The following NCOA1 variants were observed in gnomAD, a reference collection of about 807,000 sequenced individuals.
NCOA1 encodes the protein Hin-2 protein.
A neutral mutation model predicts 150.9 loss-of-function variants in NCOA1; 35 were observed. The observed-to-expected ratio is 0.23, with a 90% CI of 0.18 to 0.31. NCOA1 has a LOEUF of 0.31. NCOA1 is among the 10% of genes least tolerant of loss of function. The pLI is 1.00. For synonymous variants in NCOA1, 590 were observed against 630.0 expected, an observed-to-expected ratio of 0.94 and a Z score of 0.95; for missense variants, 1,491 against 1,749.3, an observed-to-expected ratio of 0.85 and a Z score of 2.63.
intron 3 of NCOA1, among the ~76,000 whole-genome samples, chr2:24,622,570 C>T (rs990907344): frequency 1.3e-5 from 2 of 152,106 alleles, no homozygotes; most frequent in African/African-American, 4.8e-5. Flanking sequence ...AAGGATATAC[C>T]AATTTCTATT....
chr2:24,505,275 C>A (rs144406152), intron 1 of NCOA1, among the ~76,000 whole-genome samples: 2,665 of 152,096 alleles, frequency 0.018, 247 homozygotes, highest in Admixed American at 0.16. Flanking sequence ...CAACCTCCGC[C>A]TCCTGGGTTC....
chr2:24,751,262 G>A (rs556897573), intron 19 of NCOA1, among the ~76,000 whole-genome samples: 4 of 147,186 alleles, frequency 2.7e-5, no homozygotes, highest in African/African-American at 9.9e-5. Flanking sequence ...CACAGCACCC[G>A]GCCACACGTG....
At chr2:24,500,235 A>G (rs1339138513) in intron 1 of NCOA1, among the ~76,000 whole-genome samples, 1 of 151,730 alleles carries the variant, frequency 6.6e-6, no homozygotes, top group Non-Finnish European at 1.5e-5. Context: ...CAGATTCCCT[A>G]GTAGCTGGGA....
intron 21 of NCOA1, among the ~76,000 whole-genome samples, chr2:24,760,847 GT>G (rs945382912): frequency 1.3e-5 from 2 of 150,568 alleles, no homozygotes; most frequent in African/African-American, 4.9e-5. Context: ...GTCGTTTTTT[GT>G]TTTTTTGTGG....
chr2:24,730,997 C>T (rs892327505), intron 17 of NCOA1, among the ~76,000 whole-genome samples: 3 of 143,860 alleles, frequency 2.1e-5, no homozygotes, highest in Admixed American at 7.1e-5. Flanking sequence ...GAGATTGTGC[C>T]ATTACACTCC....
intron 14 of NCOA1, among the ~76,000 whole-genome samples, chr2:24,718,048 C>T (rs1351895253): frequency 6.6e-6 from 1 of 151,904 alleles, no homozygotes; most frequent in Non-Finnish European, 1.5e-5. Context: ...AGGTGTGCAC[C>T]ACTATGCCTG....
At chr2:24,491,684 G>A (rs1448850256) in intron 1 of NCOA1, among the ~76,000 whole-genome samples, 82 bp downstream of exon 1, 2 of 151,148 alleles carry the variant, frequency 1.3e-5, no homozygotes, top group Non-Finnish European at 3.0e-5. Flanking sequence ...CCTAGGGGGC[G>A]GGGAGCAGCT....
At chr2:24,514,601 G>C (rs986930506) in intron 1 of NCOA1, among the ~76,000 whole-genome samples, 9 of 151,712 alleles carry the variant, frequency 5.9e-5, no homozygotes, top group Non-Finnish European at 1.3e-4. Flanking sequence ...CCAGGGGTTT[G>C]AGACCAGCCT....
At chr2:24,722,989 CAAA>C (rs5829932) in intron 14 of NCOA1, among the ~76,000 whole-genome samples, 2 of 90,060 alleles carry the variant, frequency 2.2e-5, no homozygotes, top group Non-Finnish European at 2.0e-5. Flanking sequence ...ACCCTGTCTC[CAAA>C]AAAAAAAAAA....
chr2:24,730,096 G>A (rs562643206), intron 17 of NCOA1, among the ~76,000 whole-genome samples: 5 of 152,128 alleles, frequency 3.3e-5, no homozygotes, highest in East Asian at 3.9e-4. Context: ...TGCCCACCTC[G>A]GCCTCCCAAA....
intron 3 of NCOA1, among the ~76,000 whole-genome samples, chr2:24,618,325 A>G (rs866383939): frequency 1.3e-5 from 2 of 152,180 alleles, no homozygotes; most frequent in Admixed American, 6.5e-5. Context: ...TCAGCTGCCA[A>G]GCTCCCTTCC....
chr2:24,654,104 G>A (rs1333267146), intron 4 of NCOA1, among the ~76,000 whole-genome samples: 1 of 152,076 alleles, frequency 6.6e-6, no homozygotes, highest in Admixed American at 6.6e-5. Flanking sequence ...GGAAAACAAG[G>A]TGTATATTTT....
chr2:24,616,802 T>C (rs576690643), intron 3 of NCOA1, among the ~76,000 whole-genome samples: 12 of 152,200 alleles, frequency 7.9e-5, no homozygotes, highest in African/African-American at 2.6e-4. Context: ...TTTGGAAACA[T>C]TGGAAAACAG....
intron 2 of NCOA1, among the ~76,000 whole-genome samples, chr2:24,572,754 A>T (rs911757043): frequency 2.6e-5 from 4 of 152,200 alleles, no homozygotes; most frequent in African/African-American, 9.6e-5. Flanking sequence ...ATGATGTTAA[A>T]GTATTTGGAA....
At chr2:24,533,757 G>A (rs1018586489) in intron 1 of NCOA1, among the ~76,000 whole-genome samples, 3 of 152,136 alleles carry the variant, frequency 2.0e-5, no homozygotes, top group African/African-American at 7.2e-5. Context: ...TATCATTTGC[G>A]TATGTTGAAC....
intron 1 of NCOA1, among the ~76,000 whole-genome samples, chr2:24,502,467 A>C (rs888759911): frequency 2.3e-4 from 35 of 152,116 alleles, no homozygotes; most frequent in Admixed American, 2.0e-3. Context: ...TTCCTTCTTC[A>C]TATGTCCCAA....
intron 14 of NCOA1, among the ~76,000 whole-genome samples, chr2:24,724,614 C>T (rs1210185327): frequency 6.6e-6 from 1 of 151,750 alleles, no homozygotes. Context: ...ATATTTTATC[C>T]AACTTATTTT....
At chr2:24,537,803 C>G (rs1296184601) in intron 1 of NCOA1, among the ~76,000 whole-genome samples, 1 of 152,048 alleles carries the variant, frequency 6.6e-6, no homozygotes, top group Non-Finnish European at 1.5e-5. Context: ...ATGTTTCTAT[C>G]TATCTATATA....
intron 2 of NCOA1, among the ~76,000 whole-genome samples, chr2:24,576,061 A>G (rs547102147): frequency 6.6e-6 from 1 of 150,542 alleles, no homozygotes; most frequent in Non-Finnish European, 1.5e-5. Flanking sequence ...ATGATACTTC[A>G]TGGATTGGGA....
Sources: allele counts gnomAD v4.1 joint callset (sites outside exome capture counted in the v4.1 genomes callset), GRCh38; gene constraint gnomAD v4.1.1; transcripts MANE v1.5; gene names NCBI Gene and HGNC (gene_info 2026-07-23, HGNC 2026-07-21).